SLC2A12: variants seen among roughly 807,000 people sequenced by gnomAD.
The protein encoded by SLC2A12 is solute carrier family 2 member 12, also known as solute carrier family 2, facilitated glucose transporter member 12.
Under a neutral mutation model 41.8 loss-of-function variants are expected in SLC2A12, and 23 were observed. That is an observed-to-expected ratio of 0.55 (90% CI 0.40 to 0.78). The LOEUF is 0.78. SLC2A12 is among the 30% of genes least tolerant of loss of function. The probability of loss-of-function intolerance (pLI) is 0.00; values close to 1 mark genes in which losing one functional copy is unlikely to be tolerated. For synonymous variants in SLC2A12, 295 were observed against 285.9 expected (o/e 1.03, Z -0.32); for missense variants, 654 against 745.6 (o/e 0.88, Z 1.43).
Position 134,029,066 on chromosome 6 carries a change from G to A in SLC2A12, c.759C>T (p.Ile253=), listed in dbSNP as rs553434141. The change falls in exon 2 of 5, where the codon ATC becomes ATT. Residue 253 remains isoleucine (I), a synonymous_variant. Transcript: ENST00000275230. ...GATATTCATCTTTCAGGGAGGATTT[G>A]ATCACAGTGAGTTCCTCAGTTGTAT... ...LSDTTEELTV[I]KSSLKDEYQY... The A allele has an allele frequency of 2.8e-5, 46 of 1,614,096 alleles. No homozygotes were observed. The highest frequency in any genetic ancestry group is 3.7e-5 in the Non-Finnish European group (44 of 1,180,042).
At chr6:134,014,816 A>T (rs1167121350) in intron 2 of SLC2A12, among the ~76,000 whole-genome samples, 1 of 152,216 alleles carries the variant, frequency 6.6e-6, no homozygotes, top group Non-Finnish European at 1.5e-5. Context: ...GCAGTTGCCC[A>T]TGGTGACAGG....
At chr6:134,018,637 A>T (rs1399439739) in intron 2 of SLC2A12, among the ~76,000 whole-genome samples, 1 of 152,150 alleles carries the variant, frequency 6.6e-6, no homozygotes. Flanking sequence ...CATATCGGAA[A>T]TAACCCTCCT....
At chr6:134,041,937 G>A (rs1216969790) in intron 1 of SLC2A12, among the ~76,000 whole-genome samples, 3 of 152,138 alleles carry the variant, frequency 2.0e-5, no homozygotes, top group Middle Eastern at 3.2e-3. Context: ...GCCTTGGTGA[G>A]CCATGGACAT....
intron 1 of SLC2A12, among the ~76,000 whole-genome samples, chr6:134,038,700 CTTTTT>C (rs200794350): frequency 2.4e-5 from 2 of 82,128 alleles, no homozygotes; most frequent in East Asian, 2.8e-4. Context: ...CCTTTCTTTC[CTTTTT>C]TTTTTTTTTT....
chr6:134,025,369 T>C (rs547728538), intron 2 of SLC2A12, among the ~76,000 whole-genome samples: 3 of 152,290 alleles, frequency 2.0e-5, no homozygotes, highest in African/African-American at 7.2e-5. Flanking sequence ...GAATATCCTT[T>C]CTTATCAGGC....
intron 1 of SLC2A12, among the ~76,000 whole-genome samples, chr6:134,034,904 G>C (rs541186017): frequency 6.6e-6 from 1 of 152,164 alleles, no homozygotes; most frequent in East Asian, 1.9e-4. Context: ...CTTCACAGGG[G>C]CCCTTCCTTT....
chr6:134,038,783 G>A (rs1777342093), intron 1 of SLC2A12, among the ~76,000 whole-genome samples: 1 of 131,544 alleles, frequency 7.6e-6, no homozygotes, highest in Non-Finnish European at 1.5e-5. Context: ...TCAGCTCACT[G>A]CAACCTCTGT....
At chr6:134,032,176 C>T (rs939398307) in intron 1 of SLC2A12, among the ~76,000 whole-genome samples, 1 of 151,646 alleles carries the variant, frequency 6.6e-6, no homozygotes. Flanking sequence ...CTCCAGGATC[C>T]TAGTAGGCTA....
chr6:134,051,088 T>A (rs897588558), intron 1 of SLC2A12, among the ~76,000 whole-genome samples: 16 of 152,108 alleles, frequency 1.1e-4, no homozygotes, highest in African/African-American at 3.9e-4. Flanking sequence ...CTAATTTTTT[T>A]ATTTTTCTGT....
intron 2 of SLC2A12, among the ~76,000 whole-genome samples, chr6:134,016,813 C>A (rs1776968776): frequency 6.6e-6 from 1 of 152,064 alleles, no homozygotes; most frequent in Non-Finnish European, 1.5e-5. Context: ...TTTAGATTGC[C>A]CATTCACATC....
intron 2 of SLC2A12, among the ~76,000 whole-genome samples, chr6:134,015,714 T>C (rs143178518): frequency 6.6e-6 from 1 of 152,292 alleles, no homozygotes; most frequent in African/African-American, 2.4e-5. Context: ...AATGTCAGCC[T>C]CTTTGCCTTA....
chr6:134,050,355 C>T (rs1198072752), intron 1 of SLC2A12, among the ~76,000 whole-genome samples: 3 of 152,118 alleles, frequency 2.0e-5, no homozygotes, highest in African/African-American at 7.2e-5. Flanking sequence ...TTTAAGGAAA[C>T]ATTCAGGCTT....
intron 2 of SLC2A12, among the ~76,000 whole-genome samples, chr6:134,017,256 A>G (rs1372135529): frequency 6.6e-6 from 1 of 152,172 alleles, no homozygotes; most frequent in Non-Finnish European, 1.5e-5. Flanking sequence ...TTACTCAGAA[A>G]TAATTTTTGG....
Position 133,991,081 on chromosome 6 carries a change from G to T in SLC2A12, c.*74C>A. 6.7e-7 allele frequency: 1 copy of T among 1,484,088 alleles called. No homozygotes were observed. The highest frequency in any genetic ancestry group is 2.3e-5 in the East Asian group (1 of 43,202). The allele number at this position is 1,484,088 out of a possible 1,614,324, so 91.9% of individuals were successfully genotyped here. A position where few individuals can be genotyped will look rare whatever the true frequency, so the allele number is the denominator to read the frequency against. The stretch of plus-strand genomic sequence containing the variant: ...ACACTGAAAAGAGAGCACAGGAGTC[G>T]CAACTATGCATTGGTCCAAAGACAC... On this transcript the variant is annotated 3_prime_UTR_variant, in exon 5 of 5. Transcript: ENST00000275230.
rs762145391 is a variant in SLC2A12, at chr6:133,988,619, A to G, written c.*2536T>C. On this transcript the variant is annotated 3_prime_UTR_variant, in exon 5 of 5. Coordinates refer to ENST00000275230, the MANE Select transcript of SLC2A12 (RefSeq NM_145176.3). ...ATTATTTTTATCTTTTTTCTTCTCAATGCCTTCCCTAACCTCCTGCTTATT... is the reference window on the plus strand; with the variant it reads ...ATTATTTTTATCTTTTTTCTTCTCAGTGCCTTCCCTAACCTCCTGCTTATT... The G allele has an allele frequency of 4.6e-5, 7 of 152,138 alleles. No homozygotes were observed. The highest frequency in any genetic ancestry group is 1.2e-4 in the African/African-American group (5 of 41,430). The allele number at this position is 152,138 out of a possible 1,614,324, so 9.4% of individuals were successfully genotyped here. A position where few individuals can be genotyped will look rare whatever the true frequency, so the allele number is the denominator to read the frequency against.
At chr6:134,030,249 C>T (rs1229412084) in intron 1 of SLC2A12, among the ~76,000 whole-genome samples, 1 of 152,114 alleles carries the variant, frequency 6.6e-6, no homozygotes, top group African/African-American at 2.4e-5. Context: ...ATCTCCTGGG[C>T]CACAGTCGTG....
At chr6:134,043,228 G>A (rs565369678) in intron 1 of SLC2A12, among the ~76,000 whole-genome samples, 1 of 152,234 alleles carries the variant, frequency 6.6e-6, no homozygotes, top group South Asian at 2.1e-4. Flanking sequence ...ACCAGTTGCT[G>A]GAAGTGGAGG....
intron 4 of SLC2A12, 91 bp downstream of exon 4, chr6:134,001,906 A>G: frequency 7.5e-7 from 1 of 1,334,416 alleles, no homozygotes; most frequent in South Asian, 1.4e-5. Context: ...AATAATATCT[A>G]ATAATTTCAG....
Position 133,988,458 on chromosome 6 carries a change from A to G in SLC2A12, c.*2697T>C, listed in dbSNP as rs1562670888. ...CAATATTCCAACACAATGTTCCACA[A>G]AAACTTGTATTTCCAAAATGTTTTT... On this transcript the variant is annotated 3_prime_UTR_variant, in exon 5 of 5. Transcript: ENST00000275230. The G allele has an allele frequency of 6.6e-6, 1 of 152,212 alleles. No individual in the cohort carries two copies. The highest frequency in any genetic ancestry group is 2.1e-4 in the South Asian group (1 of 4,836). 9.4% of individuals were successfully genotyped at this position (152,212 alleles called of 1,614,324 possible). A position where few individuals can be genotyped will look rare whatever the true frequency, so the allele number is the denominator to read the frequency against.
Sources: allele counts gnomAD v4.1 joint callset (sites outside exome capture counted in the v4.1 genomes callset), GRCh38; gene constraint gnomAD v4.1.1; transcripts MANE v1.5; gene names NCBI Gene and HGNC (gene_info 2026-07-23, HGNC 2026-07-21).